Variants in RRBP1 observed in about 807,000 individuals in gnomAD.
The protein encoded by RRBP1 is ribosome-binding protein 1.
A neutral mutation model predicts 165.2 loss-of-function variants in RRBP1; 94 were observed. The observed-to-expected ratio is 0.57, with a 90% CI of 0.48 to 0.68. The LOEUF (loss-of-function observed/expected upper bound fraction) is 0.68. Among genes scored for constraint, RRBP1 ranks in the 30% least tolerant of loss-of-function variants. The pLI is 0.00. For missense variants in RRBP1, 1,676 were observed against 1,763.0 expected (o/e 0.95, Z 0.88); for synonymous variants, 680 against 714.5 (o/e 0.95, Z 0.77).
At chr20:17,664,845 T>C (rs973133002) in intron 2 of RRBP1, among the ~76,000 whole-genome samples, 2 of 152,158 alleles carry the variant, frequency 1.3e-5, no homozygotes, top group Admixed American at 1.3e-4. Context: ...CAGATCCATT[T>C]CCTGGGCATA....
Position 17,619,626 on chromosome 20 carries a change from G to A in RRBP1, c.3675+7C>T. 2 of 1,606,382 alleles carry A rather than the reference G, an allele frequency of 1.2e-6. No individual in the cohort carries two copies. Among genetic ancestry groups the A allele is most frequent in the Non-Finnish European group, 1.7e-6 (2 of 1,175,774 alleles). On this transcript the variant is annotated splice_region_variant and intron_variant, in intron 19 of 24. Transcript: ENST00000377813. ...CAGGGGCTGCACTCCTTGGGGGGCA[G>A]ACTCACCCCTGCCACCTCCTTGGCG...
chr20:17,640,496 T>C (rs1223712902), intron 5 of RRBP1, among the ~76,000 whole-genome samples: 2 of 152,156 alleles, frequency 1.3e-5, no homozygotes, highest in Non-Finnish European at 2.9e-5. Context: ...TAGGGGCCCC[T>C]GGCAGAGCTT....
At chr20:17,675,043 T>A (rs1187592427) in intron 2 of RRBP1, among the ~76,000 whole-genome samples, 1 of 152,186 alleles carries the variant, frequency 6.6e-6, no homozygotes, top group African/African-American at 2.4e-5. Flanking sequence ...CATGATGGAC[T>A]CCCAGAGACA....
At chr20:17,614,289 C>A in intron 24 of RRBP1, 69 bp from the exon 25 acceptor site, 2 of 1,493,652 alleles carry the variant, frequency 1.3e-6, no homozygotes, top group Non-Finnish European at 1.9e-6. Flanking sequence ...CTGCCCTCTA[C>A]CCTGGGCCTT....
In RRBP1 at chr20:17,620,807, C is replaced by G. The variant is rs200194505; in HGVS notation, c.3415G>C (p.Glu1139Gln). 2 of 1,601,592 alleles carry G rather than the reference C, an allele frequency of 1.2e-6. No homozygotes were observed. Among genetic ancestry groups the G allele is most frequent in the African/African-American group, 2.7e-5 (2 of 74,926 alleles). ...DQYRSILAET[E>Q]GMLRDLQKSV... ...TTCTGCAGGTCTCTGAGCATGCCCTCCTGGGGGGAAACCGAGGTGAGGCAG... is the reference window on the plus strand; with the variant it reads ...TTCTGCAGGTCTCTGAGCATGCCCTGCTGGGGGGAAACCGAGGTGAGGCAG... Residue 1139 changes from glutamate (E) to glutamine (Q), a missense_variant and splice_region_variant, in exon 17 of 25, where the codon GAG becomes CAG. Around this residue, in one of 5 missense-constraint regions of RRBP1, gnomAD observed 1,184 missense variants for 1,167.1 expected, o/e 1.01. Coordinates refer to ENST00000377813, the MANE Select transcript of RRBP1 (RefSeq NM_001365613.2).
intron 2 of RRBP1, among the ~76,000 whole-genome samples, chr20:17,664,579 T>G (rs1047718844): frequency 6.6e-6 from 1 of 152,246 alleles, no homozygotes; most frequent in Non-Finnish European, 1.5e-5. Context: ...TGGCTCTTCT[T>G]CTGTTCTTAA....
intron 24 of RRBP1, 29 bp from the exon 25 acceptor site, chr20:17,614,249 G>T (rs113693978): frequency 6.2e-7 from 1 of 1,610,554 alleles, no homozygotes; most frequent in African/African-American, 1.3e-5. Flanking sequence ...GGCGTGAGGG[G>T]GGCTGGGCCA....
intron 12 of RRBP1, among the ~76,000 whole-genome samples, chr20:17,625,166 C>G (rs1314161108): frequency 6.6e-6 from 1 of 152,176 alleles, no homozygotes; most frequent in African/African-American, 2.4e-5. Flanking sequence ...AGGCATGCCA[C>G]CTGCCGAGCT....
At chr20:17,638,106 G>T (rs564392039) in intron 5 of RRBP1, among the ~76,000 whole-genome samples, 38 of 152,330 alleles carry the variant, frequency 2.5e-4, no homozygotes, top group South Asian at 8.3e-4. Context: ...AAGCCCCTGG[G>T]GAAAGGGAGG....
At chr20:17,653,770 G>C (rs1269092736) in intron 3 of RRBP1, among the ~76,000 whole-genome samples, 1 of 150,644 alleles carries the variant, frequency 6.6e-6, no homozygotes, top group Non-Finnish European at 1.5e-5. Context: ...AGAGGCAGAG[G>C]TTGCAGTGAG....
At chr20:17,614,645 G>T (rs532565543) in intron 24 of RRBP1, 92 bp downstream of exon 24, 6 of 1,516,162 alleles carry the variant, frequency 4.0e-6, no homozygotes, top group Non-Finnish European at 5.4e-6. Context: ...GCAGCTTGAC[G>T]ACTCCGCCCA....
chr20:17,650,485 C>T (rs1015468453), intron 3 of RRBP1, among the ~76,000 whole-genome samples: 1 of 152,172 alleles, frequency 6.6e-6, no homozygotes, highest in Non-Finnish European at 1.5e-5. Context: ...CCAGGGTTAC[C>T]CACCCCCGTC....
intron 8 of RRBP1, among the ~76,000 whole-genome samples, chr20:17,631,766 C>T (rs971792391): frequency 6.6e-6 from 1 of 152,234 alleles, no homozygotes; most frequent in Non-Finnish European, 1.5e-5. Flanking sequence ...TGCTCCAGGA[C>T]CGAAGGTCAG....
chr20:17,632,867 C>A (rs980537172), intron 8 of RRBP1, among the ~76,000 whole-genome samples: 3 of 152,150 alleles, frequency 2.0e-5, no homozygotes, highest in South Asian at 2.1e-4. Flanking sequence ...AATCTTCCTC[C>A]CTCTGAAGGA....
intron 2 of RRBP1, among the ~76,000 whole-genome samples, chr20:17,665,851 G>A (rs2036858933): frequency 6.6e-6 from 1 of 152,108 alleles, no homozygotes; most frequent in Admixed American, 6.5e-5. Context: ...TCAAAGTCAG[G>A]TTTTCAATTA....
At chr20:17,642,472 T>C (rs1310368763) in intron 4 of RRBP1, among the ~76,000 whole-genome samples, 1 of 152,056 alleles carries the variant, frequency 6.6e-6, no homozygotes, top group Non-Finnish European at 1.5e-5. Context: ...CCTGAGCATC[T>C]CTAACCACTA....
chr20:17,633,695 GCT>G, intron 7 of RRBP1, 82 bp from the exon 8 acceptor site: 1 of 1,438,372 alleles, frequency 7.0e-7, no homozygotes, highest in African/African-American at 1.4e-5. Context: ...CAGGACTCCA[GCT>G]CTCTTGTAAG....
chr20:17,658,600 C>T lies in RRBP1; in HGVS notation c.1908G>A (p.Glu636=). 6.3e-7 allele frequency: 1 copy of T among 1,586,932 alleles called. No individual in the cohort carries two copies. Among genetic ancestry groups the T allele is most frequent in the Non-Finnish European group, 8.6e-7 (1 of 1,168,862 alleles). The change falls in exon 3 of 25, where the codon GAG becomes GAA. Residue 636 remains glutamate, a synonymous_variant. Transcript: ENST00000377813. ...KKKSGSKKKG[E]PGPPDADGPL... ...ATAAAGAAATCAGTTACTTACCAGG[C>T]TCACCTTTTTTCTTTGAACCAGACT... is the stretch of plus-strand genomic sequence containing the variant.
intron 23 of RRBP1, 68 bp downstream of exon 23, chr20:17,615,350 TGGCCCCTTTCCGA>T: frequency 8.6e-7 from 1 of 1,163,226 alleles, no homozygotes; most frequent in Middle Eastern, 2.7e-4. Context: ...CTCCCCTTCC[TGGCCCCTTTCCGA>T]GGCCAAGAGT....
Sources: allele counts gnomAD v4.1 joint callset (sites outside exome capture counted in the v4.1 genomes callset), GRCh38; gene constraint gnomAD v4.1.1; regional missense constraint gnomAD v4.1.1; transcripts MANE v1.5; gene names NCBI Gene and HGNC (gene_info 2026-07-23, HGNC 2026-07-21).